Variants in UBA2 observed in about 807,000 individuals in gnomAD.
UBA2 encodes SUMO-activating enzyme subunit 2.
In UBA2, 11 loss-of-function variants were observed where a neutral mutation model predicts 77.2. The observed-to-expected ratio is 0.14, with a 90% CI of 0.09 to 0.24. The LOEUF (loss-of-function observed/expected upper bound fraction) is 0.24. UBA2 is among the 10% of genes least tolerant of loss of function. UBA2 has a pLI of 1.00. For synonymous variants in UBA2, 278 were observed against 276.7 expected, an observed-to-expected ratio of 1.00 and a Z score of -0.05; for missense variants, 487 against 781.7, an observed-to-expected ratio of 0.62 and a Z score of 4.50.
At position 34,470,260 on chromosome 19, in the gene UBA2, A is replaced by G. The variant is rs956373557; in HGVS notation, c.*1039A>G. 2.6e-5 allele frequency: 4 copies of G among 152,212 alleles called. No individual in the cohort carries two copies. Among genetic ancestry groups the G allele is most frequent in the African/African-American group, 9.7e-5 (4 of 41,440 alleles). The allele number at this position is 152,212 out of a possible 1,614,324, so 9.4% of individuals were successfully genotyped here. A position where few individuals can be genotyped will look rare whatever the true frequency, so the allele number is the denominator to read the frequency against. On this transcript the variant is annotated 3_prime_UTR_variant, in exon 17 of 17. Coordinates refer to ENST00000246548, the MANE Select transcript of UBA2 (RefSeq NM_005499.3). ...GGGCGATGAGTGAAACTCCATCTCA[A>G]AAAAGGTTCAGAAGATCTCCACTGT...
chr19:34,428,666 C>CCT, intron 1 of UBA2, 96 bp downstream of exon 1: 2 of 925,208 alleles, frequency 2.2e-6, no homozygotes, highest in Non-Finnish European at 2.6e-6. Context: ...GCTCAGGGCC[C>CCT]GGAGCCCGGG....
chr19:34,455,947 CTTT>C (rs113812938), intron 12 of UBA2, among the ~76,000 whole-genome samples: 1 of 147,778 alleles, frequency 6.8e-6, no homozygotes, highest in African/African-American at 2.5e-5. Context: ...TGCGCCCGGC[CTTT>C]TTTTTTTAAA....
chr19:34,450,446 G>T (rs1266359268), intron 9 of UBA2, 82 bp downstream of exon 9: 10 of 905,148 alleles, frequency 1.1e-5, no homozygotes, highest in Non-Finnish European at 1.5e-5. Context: ...GTTGTTGCTT[G>T]AAAATGATAT....
At position 34,428,577 on chromosome 19, in the gene UBA2, G is replaced by T; in HGVS notation, c.138+7G>T. On this transcript the variant is annotated splice_region_variant and intron_variant, in intron 1 of 16. Coordinates refer to ENST00000246548, the MANE Select transcript of UBA2 (RefSeq NM_005499.3). Reference sequence around the variant, plus strand: ...TTTCTCCCACATCGACCTGGTGAGGGCCGGGCGCGCGCGCGTGAATGGCGG... The same window carrying T: ...TTTCTCCCACATCGACCTGGTGAGGTCCGGGCGCGCGCGCGTGAATGGCGG... 3 of 1,307,322 alleles carry T rather than the reference G, an allele frequency of 2.3e-6. No homozygotes were observed. Among genetic ancestry groups the T allele is most frequent in the African/African-American group, 3.0e-5 (2 of 66,320 alleles). 81.0% of individuals were successfully genotyped at this position (1,307,322 alleles called of 1,614,324 possible). A position where few individuals can be genotyped will look rare whatever the true frequency, so the allele number is the denominator to read the frequency against.
chr19:34,451,861 T>C, intron 9 of UBA2, 120 bp from the exon 10 acceptor site: 4 of 576,646 alleles, frequency 6.9e-6, no homozygotes, highest in Non-Finnish European at 1.1e-5. Flanking sequence ...ATAATTATTT[T>C]AATGGAATTT....
chr19:34,461,696 A>G (rs1472689378), intron 14 of UBA2, among the ~76,000 whole-genome samples: 1 of 152,220 alleles, frequency 6.6e-6, no homozygotes, highest in Non-Finnish European at 1.5e-5. Flanking sequence ...TATGACAGGC[A>G]TAGTTTTGGG....
rs1449352112 is a variant in UBA2 at position 34,431,891 on chromosome 19, C to T, written c.253C>T (p.Pro85Ser). 1.2e-6 allele frequency: 2 copies of T among 1,613,656 alleles called. No individual in the cohort carries two copies. Among genetic ancestry groups the T allele is most frequent in the Non-Finnish European group, 8.5e-7 (1 of 1,179,918 alleles). ...CAAGGAAAGTGTACTGCAGTTTTAC[C>T]CGAAAGCTAATATCGTTGCCTACCA... ...VAKESVLQFY[P>S]KANIVAYHDS... The change falls in exon 3 of 17, where the codon CCG becomes TCG. Residue 85 changes from proline to serine, a missense_variant. This residue lies in a region of UBA2 where 66 missense variants were observed against 112.0 expected (regional missense o/e 0.59). Coordinates refer to ENST00000246548, the MANE Select transcript of UBA2 (RefSeq NM_005499.3).
intron 5 of UBA2, among the ~76,000 whole-genome samples, chr19:34,435,946 C>A (rs1235144652): frequency 6.6e-6 from 1 of 151,762 alleles, no homozygotes; most frequent in African/African-American, 2.4e-5. Flanking sequence ...CATGGTGAAA[C>A]CCTGTCTCTA....
chr19:34,445,329 C>G (rs905946287), intron 8 of UBA2, among the ~76,000 whole-genome samples: 2 of 151,936 alleles, frequency 1.3e-5, no homozygotes, highest in African/African-American at 4.8e-5. Context: ...AGTATAACAT[C>G]TAAATAGGAG....
intron 6 of UBA2, 80 bp from the exon 7 acceptor site, chr19:34,443,764 A>T: frequency 1.0e-6 from 1 of 1,004,850 alleles, no homozygotes; most frequent in Non-Finnish European, 1.6e-6. Context: ...TATCTCTGCT[A>T]AATATTTGGA....
At position 34,428,447 on chromosome 19, in the gene UBA2, G is replaced by C. The variant is rs2075210553; in HGVS notation, c.15G>C (p.Arg5=). 3 of 1,277,014 alleles carry C rather than the reference G, an allele frequency of 2.3e-6. No individual in the cohort carries two copies. Among genetic ancestry groups the C allele is most frequent in the Non-Finnish European group, 3.0e-6 (3 of 1,008,382 alleles). The allele number at this position is 1,277,014 out of a possible 1,614,324, so 79.1% of individuals were successfully genotyped here. The change falls in exon 1 of 17, where the codon CGG becomes CGC. Residue 5 remains arginine (R), a synonymous_variant. Coordinates refer to ENST00000246548, the MANE Select transcript of UBA2 (RefSeq NM_005499.3). ...GTTGTCCCGCCATGGCACTGTCGCG[G>C]GGGCTGCCCCGGGAGCTGGCTGAGG... MALS[R]GLPRELAEAV...
At chr19:34,466,713 A>G (rs2075691663) in intron 15 of UBA2, among the ~76,000 whole-genome samples, 165 bp from the exon 16 acceptor site, 1 of 152,084 alleles carries the variant, frequency 6.6e-6, no homozygotes, top group African/African-American at 2.4e-5. Context: ...GGGCAACATT[A>G]TGAGACCCTA....
chr19:34,454,493 T>A lies in UBA2; in HGVS notation c.1182T>A (p.Ile394=), dbSNP rs767634002. The A allele has an allele frequency of 1.2e-6, 2 of 1,611,534 alleles. No homozygotes were observed. The highest frequency in any genetic ancestry group is 8.5e-7 in the Non-Finnish European group (1 of 1,178,960). Residue 394 remains isoleucine, a synonymous_variant, in exon 12 of 17, where the codon ATT becomes ATA. Coordinates refer to ENST00000246548, the MANE Select transcript of UBA2 (RefSeq NM_005499.3). ...IPAIATTNAV[I]AGLIVLEGLK... ...CTATTGCTACTACTAATGCAGTAAT[T>A]GCTGGGTTGATAGTATTGGAAGGAT...
intron 1 of UBA2, among the ~76,000 whole-genome samples, chr19:34,429,751 G>C (rs2075230484): frequency 6.6e-6 from 1 of 151,998 alleles, no homozygotes; most frequent in Admixed American, 6.6e-5. Context: ...CAGGAGGATC[G>C]CTTGAGCCTG....
intron 16 of UBA2, among the ~76,000 whole-genome samples, chr19:34,468,372 T>C (rs1313674762): frequency 6.6e-6 from 1 of 152,212 alleles, no homozygotes; most frequent in Non-Finnish European, 1.5e-5. Flanking sequence ...GAAGAGACTA[T>C]CTGGTAGATT....
At chr19:34,438,898 T>A in intron 6 of UBA2, 132 bp downstream of exon 6, 1 of 1,251,098 alleles carries the variant, frequency 8.0e-7, no homozygotes, top group Non-Finnish European at 1.1e-6. Flanking sequence ...AGTAGCTTTC[T>A]TGCAGTATTT....
chr19:34,466,311 G>A (rs1303159854), intron 15 of UBA2, among the ~76,000 whole-genome samples: 1 of 152,176 alleles, frequency 6.6e-6, no homozygotes, highest in African/African-American at 2.4e-5. Flanking sequence ...ACTCTAGCCT[G>A]GGTGACAGAG....
At position 34,457,166 on chromosome 19, in the gene UBA2, TAA is replaced by T. The variant is rs569078000; in HGVS notation, c.1246-1590_1246-1589del. ...TAACGTGGAGAAACCTGGTCTCTAC[TAA>T]AAAAAAAAAAAATATATATATATAT... On this transcript the variant is annotated intron_variant, in intron 12 of 16. Coordinates refer to ENST00000246548, the MANE Select transcript of UBA2 (RefSeq NM_005499.3). Among the ~76,000 whole-genome samples the T allele has an allele frequency of 1.5e-3, 75 of 51,040 alleles. 1 individual carries two copies. Among genetic ancestry groups the T allele is most frequent in the Admixed American group, 1.8e-3 (7 of 3,790 alleles). The allele number at this position is 51,040 out of a possible 152,430, so 33.5% of individuals were successfully genotyped here. A position where few individuals can be genotyped will look rare whatever the true frequency, so the allele number is the denominator to read the frequency against.
intron 7 of UBA2, among the ~76,000 whole-genome samples, chr19:34,444,387 G>A (rs2075406049): frequency 1.3e-5 from 2 of 152,100 alleles, no homozygotes; most frequent in Admixed American, 6.6e-5. Context: ...ATATGATTCC[G>A]TTTTACTGAT....
Sources: allele counts gnomAD v4.1 joint callset (sites outside exome capture counted in the v4.1 genomes callset), GRCh38; gene constraint gnomAD v4.1.1; regional missense constraint gnomAD v4.1.1; transcripts MANE v1.5; gene names NCBI Gene and HGNC (gene_info 2026-07-23, HGNC 2026-07-21).